LAMP2: variants seen among roughly 807,000 people sequenced by gnomAD.
LAMP2 encodes the protein lysosome associated membrane protein 2.
A neutral mutation model predicts 25.6 loss-of-function variants in LAMP2; 4 were observed. That is an observed-to-expected ratio of 0.16 (90% CI 0.08 to 0.36). LAMP2 has a LOEUF of 0.36. Among genes scored for constraint, LAMP2 ranks in the 10% least tolerant of loss-of-function variants. The pLI is 1.00. For synonymous variants in LAMP2, 108 were observed against 112.7 expected (o/e 0.96, Z 0.27); for missense variants, 272 against 301.4 (o/e 0.90, Z 0.72).
At position 120,442,642 on chromosome X, in the gene LAMP2, A is replaced by G. The variant is rs771546093; in HGVS notation, c.885T>C (p.Tyr295=). The G allele has an allele frequency of 3.3e-6, 4 of 1,208,976 alleles. No individual in the cohort carries two copies. The Admixed American group carries it at 8.7e-5, about 26-fold the overall frequency. ...ACATGCTGATGTTCACTTCCTTCAG[A>G]TAAAATCGGTTTTCATTTTTCTGTT... ...VFAVKNENRF[Y]LKEVNISMYL... The change falls in exon 7 of 9, where the codon TAT becomes TAC. Residue 295 remains tyrosine (Y), a synonymous_variant. Transcript: ENST00000200639.
At chrX:120,437,412 C>CAA (rs10565432) in intron 8 of LAMP2, 154 of 665,488 alleles carry the variant, frequency 2.3e-4, no homozygotes, top group Middle Eastern at 1.7e-3. Flanking sequence ...AATCCCACCA[C>CAA]AAAAAAAAAA....
chrX:120,444,439 AG>A (rs2058587623), intron 6 of LAMP2, among the ~76,000 whole-genome samples: 2 of 111,469 alleles, frequency 1.8e-5, no homozygotes, highest in South Asian at 3.8e-4. Flanking sequence ...CCCTTTATCC[AG>A]GGATAACCTG....
chrX:120,450,108 G>A (rs1015099477), intron 3 of LAMP2, among the ~76,000 whole-genome samples: 2 of 112,150 alleles, frequency 1.8e-5, no homozygotes, highest in African/African-American at 6.5e-5. Context: ...ACTCCAATGA[G>A]CTTATAGAAC....
At chrX:120,460,508 T>C (rs1298280920) in intron 1 of LAMP2, among the ~76,000 whole-genome samples, 4 of 112,040 alleles carry the variant, frequency 3.6e-5, no homozygotes. Context: ...ATAGATTAAT[T>C]TTATCCATTT....
rs1168595457 is a variant in LAMP2 at position 120,428,640 on chromosome X, A to G, written c.*2683T>C. 1.7e-6 allele frequency: 2 copies of G among 1,162,542 alleles called. No homozygotes were observed. Among genetic ancestry groups the G allele is most frequent in the Non-Finnish European group, 2.3e-6 (2 of 874,790 alleles). ...AACATTCTTCAGCTGTTAGAAAAGA[A>G]CAGACAGCAAGGAAAGGAAATTAGC... is the stretch of plus-strand genomic sequence containing the variant. On this transcript the variant is annotated 3_prime_UTR_variant, in exon 9 of 9. Coordinates refer to ENST00000200639, the MANE Select transcript of LAMP2 (RefSeq NM_002294.3).
At chrX:120,442,765 CAGA>C (rs1431373252) in intron 6 of LAMP2, 103 bp from the exon 7 acceptor site, 4 of 619,790 alleles carry the variant, frequency 6.5e-6, no homozygotes, top group Non-Finnish European at 1.1e-5. Flanking sequence ...CACTATTACA[CAGA>C]AGAAGAAATC....
rs1276303973 is a variant in LAMP2 at position 120,426,893 on chromosome X, G to A, written c.*4430C>T. 8.9e-6 allele frequency among the ~76,000 whole-genome samples: 1 copy of A among 112,498 alleles called. No homozygotes were observed. Among genetic ancestry groups the A allele is most frequent in the Non-Finnish European group, 1.9e-5 (1 of 53,276 alleles). On this transcript the variant is annotated 3_prime_UTR_variant, in exon 9 of 9. Transcript: ENST00000200639. Reference sequence around the variant, plus strand: ...ATGTCAGAGCTATAGAGTTCTAGAGGAGTTGTAGTTGAGCAATCTAACTTT... The same window carrying A: ...ATGTCAGAGCTATAGAGTTCTAGAGAAGTTGTAGTTGAGCAATCTAACTTT...
At chrX:120,457,006 A>T (rs918192571) in intron 1 of LAMP2, among the ~76,000 whole-genome samples, 2 of 111,088 alleles carry the variant, frequency 1.8e-5, no homozygotes, top group African/African-American at 6.6e-5. Context: ...TCCTATTGAT[A>T]AAAAAGTTGG....
In LAMP2 at chrX:120,469,277, G is replaced by A; in HGVS notation, c.-108C>T. The A allele has an allele frequency of 2.6e-6, 2 of 781,552 alleles. No individual in the cohort carries two copies. Among genetic ancestry groups the A allele is most frequent in the Non-Finnish European group, 3.9e-6 (2 of 518,507 alleles). 64.4% of individuals were successfully genotyped at this position (781,552 alleles called of 1,213,427 possible). On this transcript the variant is annotated 5_prime_UTR_variant, in exon 1 of 9. Coordinates refer to ENST00000200639, the MANE Select transcript of LAMP2 (RefSeq NM_002294.3). The stretch of plus-strand genomic sequence containing the variant: ...TGGGTCAAGAGCACTGATGACCACC[G>A]ACCACAGCCTTGCAAAAGCCAGGAA...
At chrX:120,442,320 C>T (rs2058576837) in intron 7 of LAMP2, among the ~76,000 whole-genome samples, 1 of 109,171 alleles carries the variant, frequency 9.2e-6, no homozygotes, top group Non-Finnish European at 1.9e-5. Flanking sequence ...GCAATTCTTA[C>T]CATAACTAGG....
intron 8 of LAMP2, among the ~76,000 whole-genome samples, chrX:120,441,513 C>T (rs906211147): frequency 2.7e-5 from 3 of 112,270 alleles, no homozygotes; most frequent in Middle Eastern, 4.6e-3. Flanking sequence ...AAGCTTCTAT[C>T]AGTTTTAGCT....
At chrX:120,439,123 T>G (rs2058560043) in intron 8 of LAMP2, 1 of 1,209,596 alleles carries the variant, frequency 8.3e-7, no homozygotes, top group East Asian at 3.0e-5. Flanking sequence ...TGCTTTTTTC[T>G]TTTGTAACAG....
At chrX:120,466,840 CTT>C (rs916102893) in intron 1 of LAMP2, among the ~76,000 whole-genome samples, 19 of 81,531 alleles carry the variant, frequency 2.3e-4, no homozygotes, top group Admixed American at 9.8e-4. Flanking sequence ...CAAATAACTT[CTT>C]TTTTTTTTTT....
At chrX:120,458,394 G>T (rs1211212267) in intron 1 of LAMP2, among the ~76,000 whole-genome samples, 17 of 112,091 alleles carry the variant, frequency 1.5e-4, no homozygotes, top group Non-Finnish European at 3.0e-4. Context: ...GCATCAATGT[G>T]TCTTAGGGTG....
At chrX:120,466,357 G>C (rs1921530378) in intron 1 of LAMP2, among the ~76,000 whole-genome samples, 1 of 112,111 alleles carries the variant, frequency 8.9e-6, no homozygotes, top group African/African-American at 3.2e-5. Flanking sequence ...TGTTGTATTT[G>C]TGCACAGATT....
At chrX:120,436,715 C>A in intron 8 of LAMP2, 1 of 734,423 alleles carries the variant, frequency 1.4e-6, no homozygotes, top group East Asian at 1.5e-4. Context: ...TCTAGTAATA[C>A]AAATAAAACT....
At chrX:120,453,765 G>A (rs922808381) in intron 3 of LAMP2, among the ~76,000 whole-genome samples, 1 of 112,207 alleles carries the variant, frequency 8.9e-6, no homozygotes, top group Non-Finnish European at 1.9e-5. Flanking sequence ...CCGAGATCAG[G>A]CCACTGCACT....
Position 120,446,443 on chromosome X carries a change from A to G in LAMP2, c.742-16T>C. The G allele has an allele frequency of 8.3e-7, 1 of 1,208,186 alleles. No individual in the cohort carries two copies. Among genetic ancestry groups the G allele is most frequent in the Non-Finnish European group, 1.1e-6 (1 of 892,740 alleles). ...CTGAAGCAACCTTCAGGAGAAGAAGAAAGGGAAAAGGTACAGGTTAGCTAT... is the reference window on the plus strand; with the variant it reads ...CTGAAGCAACCTTCAGGAGAAGAAGGAAGGGAAAAGGTACAGGTTAGCTAT... On this transcript the variant is annotated splice_polypyrimidine_tract_variant and intron_variant, in intron 5 of 8. Coordinates refer to ENST00000200639, the MANE Select transcript of LAMP2 (RefSeq NM_002294.3).
intron 7 of LAMP2, 95 bp downstream of exon 7, chrX:120,442,504 A>G: frequency 2.8e-6 from 2 of 725,282 alleles, no homozygotes; most frequent in Non-Finnish European, 4.4e-6. Context: ...CTTCTGTTTC[A>G]TTAAATAAGG....
Sources: gnomAD v4.1 joint callset for allele counts (sites outside exome capture counted in the v4.1 genomes callset) on GRCh38, gnomAD v4.1.1 for gene constraint, MANE v1.5 for transcripts, NCBI Gene and HGNC (gene_info 2026-07-23, HGNC 2026-07-21) for gene names.